Variants in TENM3 observed in about 807,000 individuals in gnomAD.
The protein encoded by TENM3 is teneurin transmembrane protein 3.
In TENM3, 63 loss-of-function variants were observed where a neutral mutation model predicts 255.1. The ratio of observed to expected loss-of-function variants is 0.25; its 90% CI spans 0.20 to 0.30. The LOEUF (loss-of-function observed/expected upper bound fraction) is 0.30. TENM3 is among the 10% of genes least tolerant of loss of function. The pLI is 1.00. For synonymous variants in TENM3, 1,306 were observed against 1,322.3 expected, an observed-to-expected ratio of 0.99 and a Z score of 0.27; for missense variants, 2,929 against 3,461.1, an observed-to-expected ratio of 0.85 and a Z score of 3.86.
rs181223773 is a variant in TENM3 at position 182,515,473 on chromosome 4, G to A, written c.512-85451G>A. On this transcript the variant is annotated intron_variant, in intron 3 of 27. Transcript: ENST00000511685. The stretch of plus-strand genomic sequence containing the variant: ...GAAATGGACAGCCTAGAAACTGATA[G>A]CAAGAATCATCTAATAACTGTAGCC... Among the ~76,000 whole-genome samples the A allele has an allele frequency of 1.8e-4, 27 of 152,234 alleles. No homozygotes were observed. The East Asian group carries it at 5.0e-3, about 28-fold the overall frequency.
intron 1 of TENM3, among the ~76,000 whole-genome samples, chr4:182,269,651 A>G (rs1759484076): frequency 1.3e-5 from 2 of 152,040 alleles, no homozygotes; most frequent in African/African-American, 4.8e-5. Flanking sequence ...GGAAAGTAAG[A>G]TTGGAGAGAA....
chr4:181,698,118 G>A, the TENM3 span, among the ~76,000 whole-genome samples: 6 of 151,742 alleles, frequency 4.0e-5, no homozygotes, highest in East Asian at 1.2e-3. Flanking sequence ...GAAGGCTGAG[G>A]CAGGAGAATT....
the TENM3 span, among the ~76,000 whole-genome samples, chr4:181,514,791 A>G: frequency 6.6e-6 from 1 of 152,216 alleles, no homozygotes; most frequent in African/African-American, 2.4e-5. Context: ...TCTGACATTT[A>G]TTATTGCAAA....
the TENM3 span, among the ~76,000 whole-genome samples, chr4:182,077,143 A>G: frequency 6.6e-6 from 1 of 152,106 alleles, no homozygotes; most frequent in Non-Finnish European, 1.5e-5. Flanking sequence ...TATTCACTTC[A>G]TGCTGCTGTG....
chr4:182,293,759 C>G (rs191869058), intron 1 of TENM3, among the ~76,000 whole-genome samples: 11 of 152,062 alleles, frequency 7.2e-5, no homozygotes, highest in Non-Finnish European at 1.5e-4. Context: ...GCGCCCACCC[C>G]GAGTCCCTTC....
the TENM3 span, among the ~76,000 whole-genome samples, chr4:181,623,805 C>G: frequency 6.6e-6 from 1 of 152,162 alleles, no homozygotes; most frequent in Non-Finnish European, 1.5e-5. Context: ...TAGAAATCTT[C>G]ATTCAGATAT....
At chr4:182,357,743 T>C (rs1329752713) in intron 3 of TENM3, among the ~76,000 whole-genome samples, 3 of 149,948 alleles carry the variant, frequency 2.0e-5, no homozygotes, top group African/African-American at 7.3e-5. Context: ...TTGTCAATTT[T>C]GGCTTTTGTT....
At chr4:181,848,521 CAG>C in the TENM3 span, among the ~76,000 whole-genome samples, 579 of 152,258 alleles carry the variant, frequency 3.8e-3, 1 homozygote, top group Admixed American at 6.6e-3. Context: ...TGTCCACAAA[CAG>C]TGTTCTAGCT....
At chr4:182,408,618 A>G (rs954937207) in intron 3 of TENM3, among the ~76,000 whole-genome samples, 2 of 152,238 alleles carry the variant, frequency 1.3e-5, no homozygotes, top group Non-Finnish European at 2.9e-5. Context: ...ATCACCTAAC[A>G]CTTTGGCTCT....
At chr4:182,109,896 A>G in the TENM3 span, among the ~76,000 whole-genome samples, 4 of 152,140 alleles carry the variant, frequency 2.6e-5, no homozygotes, top group African/African-American at 9.7e-5. Flanking sequence ...CCAGCCTACC[A>G]CCTCTTTTTG....
At chr4:182,001,373 A>C in the TENM3 span, among the ~76,000 whole-genome samples, 1 of 152,150 alleles carries the variant, frequency 6.6e-6, no homozygotes, top group Admixed American at 6.6e-5. Context: ...CTTGCTCTCT[A>C]TCTATGCATA....
rs1026752335 is a variant in TENM3, at chr4:182,680,455, A to G, written c.1640-88A>G. On this transcript the variant is annotated intron_variant, in intron 9 of 27. Coordinates refer to ENST00000511685, the MANE Select transcript of TENM3 (RefSeq NM_001080477.4). ...GAAAGAAAGGGGGGGGGAGACTGGC[A>G]TATTGCTTGTTCCAGCGATGTGTCT... The G allele has an allele frequency of 2.7e-6, 4 of 1,491,704 alleles. No homozygotes were observed. In the East Asian group the frequency reaches 6.8e-5, roughly 25 times the overall value. 92.4% of individuals were successfully genotyped at this position (1,491,704 alleles called of 1,614,324 possible).
Position 182,799,833 on chromosome 4 carries a change from C to G in TENM3, c.7582C>G (p.Leu2528Val), listed in dbSNP as rs1319778448. The G allele has an allele frequency of 6.2e-7, 1 of 1,610,656 alleles. No individual in the cohort carries two copies. Among genetic ancestry groups the G allele is most frequent in the Non-Finnish European group, 8.5e-7 (1 of 1,178,760 alleles). ...NEDCIKVAAV[L>V]NNAFYLENLH... is the part of the protein sequence containing the mutation. ...GGACTGCATCAAGGTGGCGGCCGTG[C>G]TCAACAACGCCTTCTACCTGGAGAA... Residue 2528 changes from leucine (L) to valine (V), a missense_variant, in exon 28 of 28, where the codon CTC becomes GTC. Physicochemically the swap from Leu to Val is conservative, Grantham distance 32 (BLOSUM62 1). Coordinates refer to ENST00000511685, the MANE Select transcript of TENM3 (RefSeq NM_001080477.4). This position sits in a 1 kb window ranked among gnomAD's most constrained non-coding sequence, Gnocchi z 4.2.
intron 1 of TENM3, among the ~76,000 whole-genome samples, chr4:182,281,223 G>C (rs567459807): frequency 6.6e-6 from 1 of 152,298 alleles, no homozygotes; most frequent in South Asian, 2.1e-4. Context: ...AGCCTTGGTA[G>C]AATTTCCTGC....
intron 13 of TENM3, among the ~76,000 whole-genome samples, chr4:182,724,416 C>A (rs1210176918): frequency 6.6e-6 from 1 of 152,230 alleles, no homozygotes; most frequent in East Asian, 1.9e-4. Context: ...AAGCCAGATT[C>A]ATAACCATCC....
intron 3 of TENM3, among the ~76,000 whole-genome samples, chr4:182,599,680 T>C (rs1446321628): frequency 1.3e-5 from 2 of 152,220 alleles, no homozygotes; most frequent in Non-Finnish European, 2.9e-5. Flanking sequence ...TGAATTACAA[T>C]GTTAAACTGT....
At chr4:181,852,960 G>T in the TENM3 span, among the ~76,000 whole-genome samples, 1 of 152,084 alleles carries the variant, frequency 6.6e-6, no homozygotes, top group East Asian at 1.9e-4. Flanking sequence ...ACCACAATAA[G>T]AATAAATAAT....
intron 3 of TENM3, among the ~76,000 whole-genome samples, chr4:182,351,814 G>A (rs1042369970): frequency 6.6e-6 from 1 of 152,106 alleles, no homozygotes; most frequent in African/African-American, 2.4e-5. Flanking sequence ...CCGTGCCATG[G>A]TTTCCACGTT....
At chr4:182,449,227 C>T (rs187851555) in intron 3 of TENM3, 1,333 of 20,930 alleles carry the variant, frequency 0.064, 27 homozygotes, top group African/African-American at 0.14. Context: ...GCGGCGGCGG[C>T]GGCTCCGCTC....
Sources: gnomAD v4.1 joint callset for allele counts (sites outside exome capture counted in the v4.1 genomes callset) on GRCh38, gnomAD v4.1.1 for gene constraint, Gnocchi (gnomAD v3.1) non-coding constraint, MANE v1.5 for transcripts, NCBI Gene and HGNC (gene_info 2026-07-23, HGNC 2026-07-21) for gene names.